Variants in L2HGDH observed in about 807,000 individuals in gnomAD.
The protein encoded by L2HGDH is L-2-hydroxyglutarate dehydrogenase.
A neutral mutation model predicts 51.5 loss-of-function variants in L2HGDH; 34 were observed. That is an observed-to-expected ratio of 0.66 (90% CI 0.50 to 0.88). The LOEUF (loss-of-function observed/expected upper bound fraction) is 0.88. L2HGDH is among the 40% of genes least tolerant of loss of function. The pLI is 0.00. For missense variants in L2HGDH, 558 were observed against 571.9 expected, an observed-to-expected ratio of 0.98 and a Z score of 0.25; for synonymous variants, 198 against 197.9, an observed-to-expected ratio of 1.00 and a Z score of -0.01.
intron 5 of L2HGDH, among the ~76,000 whole-genome samples, chr14:50,280,059 C>T (rs1181981514): frequency 1.3e-5 from 1 of 79,646 alleles, no homozygotes; most frequent in South Asian, 4.5e-4. Context: ...GACTCCGTCT[C>T]AAAAGAAAAA....
At chr14:50,257,939 G>A (rs564879655) in intron 9 of L2HGDH, among the ~76,000 whole-genome samples, 2 of 151,388 alleles carry the variant, frequency 1.3e-5, no homozygotes, top group African/African-American at 2.4e-5. Flanking sequence ...TGTTCAGTAC[G>A]ACTTTATCTG....
intron 9 of L2HGDH, among the ~76,000 whole-genome samples, chr14:50,250,143 C>T (rs1888261512): frequency 6.6e-6 from 1 of 152,184 alleles, no homozygotes; most frequent in Admixed American, 6.5e-5. Context: ...CTCAGGTGAT[C>T]CACCCGTCTT....
At chr14:50,299,938 T>C (rs1200948952) in intron 3 of L2HGDH, 1 of 152,554 alleles carries the variant, frequency 6.6e-6, no homozygotes, top group Non-Finnish European at 1.5e-5. Context: ...CTGGAGGACA[T>C]TATCTTAGGT....
Position 50,265,404 on chromosome 14 carries a change from A to C in L2HGDH, c.1150T>G (p.Tyr384Asp). 6.2e-7 allele frequency: 1 copy of C among 1,612,378 alleles called. No individual in the cohort carries two copies. The highest frequency in any genetic ancestry group is 8.5e-7 in the Non-Finnish European group (1 of 1,178,474). The part of the protein sequence containing the change: ...KACFLGATVK[Y>D]LQKFIPEITI... The stretch of plus-strand genomic sequence containing the variant: ...ATTTCAGGGATGAATTTTTGAAGAT[A>C]CTTCACTGTTGCACCAAGAAAACAT... Residue 384 changes from tyrosine to aspartate, a missense_variant, in exon 9 of 10, where the codon TAT becomes GAT. Physicochemically the swap from Tyr to Asp is radical, Grantham distance 160 (BLOSUM62 -3). Around this residue, in one of 3 missense-constraint regions of L2HGDH, gnomAD observed 321 missense variants for 311.8 expected, o/e 1.03. Coordinates refer to ENST00000267436, the MANE Select transcript of L2HGDH (RefSeq NM_024884.3).
chr14:50,304,677 T>C (rs968664675), intron 1 of L2HGDH, among the ~76,000 whole-genome samples: 1 of 152,010 alleles, frequency 6.6e-6, no homozygotes, highest in Non-Finnish European at 1.5e-5. Context: ...CTACTAAAAA[T>C]ACAAAAAATT....
chr14:50,304,426 G>C (rs1177958895), intron 1 of L2HGDH, among the ~76,000 whole-genome samples: 2 of 152,188 alleles, frequency 1.3e-5, no homozygotes, highest in African/African-American at 2.4e-5. Flanking sequence ...ATTTTTACAA[G>C]TTTTTCTTTG....
At chr14:50,309,523 C>T (rs7158964) in intron 1 of L2HGDH, among the ~76,000 whole-genome samples, 88,947 of 151,262 alleles carry the variant, frequency 0.59, 26,136 homozygotes, top group East Asian at 0.66. Flanking sequence ...GATCATGCCA[C>T]TGTACTCCAG....
chr14:50,268,487 C>CT (rs1302775958), intron 7 of L2HGDH, among the ~76,000 whole-genome samples: 4 of 150,000 alleles, frequency 2.7e-5, no homozygotes, highest in Non-Finnish European at 5.9e-5. Flanking sequence ...AACTGTCTTA[C>CT]TTCAGGCTAT....
chr14:50,276,472 C>A (rs74761566), intron 6 of L2HGDH, among the ~76,000 whole-genome samples: 1 of 147,716 alleles, frequency 6.8e-6, no homozygotes, highest in Non-Finnish European at 1.5e-5. Flanking sequence ...GCCCCCCCCA[C>A]CCCAATTCAT....
intron 3 of L2HGDH, among the ~76,000 whole-genome samples, chr14:50,299,191 C>T (rs143887635): frequency 3.9e-5 from 6 of 152,124 alleles, no homozygotes; most frequent in Non-Finnish European, 8.8e-5. Flanking sequence ...CTACTATGAC[C>T]AACTATATAT....
rs1483588648 is a variant in L2HGDH, at chr14:50,258,022, A to T, written c.1196+7336T>A. ...TGGTTTTACATTTGCTTCTATTACT[A>T]TCCTGAGAGCACTTTTTTTTAAATG... On this transcript the variant is annotated intron_variant, in intron 9 of 9. Transcript: ENST00000267436. Among the ~76,000 whole-genome samples the T allele has an allele frequency of 5.3e-5, 8 of 150,234 alleles. 1 individual carries two copies. The highest frequency in any genetic ancestry group is 1.7e-4 in the African/African-American group (7 of 40,906).
At position 50,264,118 on chromosome 14, in the gene L2HGDH, G is replaced by A. The variant is rs551025521; in HGVS notation, c.1196+1240C>T. On this transcript the variant is annotated intron_variant, in intron 9 of 9. Coordinates refer to ENST00000267436, the MANE Select transcript of L2HGDH (RefSeq NM_024884.3). ...GATGTGGCTGGGTGCAGTGGCTCAC[G>A]CCTGTAATCCCAGCACTTTGGGAGG... Among the ~76,000 whole-genome samples the A allele has an allele frequency of 2.8e-4, 42 of 151,188 alleles. 2 individuals are homozygous for A. Among genetic ancestry groups the A allele is most frequent in the Admixed American group, 1.8e-3 (28 of 15,222 alleles).
chr14:50,259,933 A>G lies in L2HGDH; in HGVS notation c.1196+5425T>C, dbSNP rs543330815. 2.3e-4 allele frequency among the ~76,000 whole-genome samples: 32 copies of G among 140,650 alleles called. No individual in the cohort carries two copies. In the South Asian group the frequency reaches 8.4e-3, roughly 37 times the overall value. 92.3% of individuals were successfully genotyped at this position (140,650 alleles called of 152,430 possible). The stretch of plus-strand genomic sequence containing the variant: ...TTTTTAGTCTCTCTAATTTACTTGA[A>G]TTAGAGGGGGTGGGGAGGGGAGGGA... On this transcript the variant is annotated intron_variant, in intron 9 of 9. Coordinates refer to ENST00000267436, the MANE Select transcript of L2HGDH (RefSeq NM_024884.3).
intron 4 of L2HGDH, among the ~76,000 whole-genome samples, chr14:50,289,201 T>C (rs185446039): frequency 8.5e-5 from 13 of 152,316 alleles, no homozygotes; most frequent in African/African-American, 2.9e-4. Context: ...ATATCAGTTA[T>C]TCACAACCCT....
intron 8 of L2HGDH, among the ~76,000 whole-genome samples, chr14:50,266,601 C>A (rs1009905056): frequency 6.6e-6 from 1 of 152,180 alleles, no homozygotes; most frequent in Non-Finnish European, 1.5e-5. Flanking sequence ...CAAAGTGAGA[C>A]CTTGTCTCAA....
intron 9 of L2HGDH, among the ~76,000 whole-genome samples, chr14:50,258,547 T>C (rs896438244): frequency 1.3e-5 from 2 of 152,000 alleles, no homozygotes; most frequent in Non-Finnish European, 2.9e-5. Context: ...AGGGTCTTGC[T>C]CTGTCACCCA....
At chr14:50,294,749 T>C (rs1312835323) in intron 3 of L2HGDH, among the ~76,000 whole-genome samples, 2 of 152,200 alleles carry the variant, frequency 1.3e-5, no homozygotes, top group Non-Finnish European at 2.9e-5. Context: ...TTATAAAGTA[T>C]TTACAAAACA....
At chr14:50,275,871 A>G (rs1889951991) in intron 6 of L2HGDH, among the ~76,000 whole-genome samples, 1 of 152,150 alleles carries the variant, frequency 6.6e-6, no homozygotes, top group Non-Finnish European at 1.5e-5. Context: ...TATCCCCACA[A>G]CTTCGCTATT....
At chr14:50,249,596 C>G (rs1299803104) in intron 9 of L2HGDH, among the ~76,000 whole-genome samples, 2 of 152,110 alleles carry the variant, frequency 1.3e-5, no homozygotes, top group Non-Finnish European at 2.9e-5. Flanking sequence ...CCAGTCCTAG[C>G]AGGATACATT....
Sources: gnomAD v4.1 joint callset for allele counts (sites outside exome capture counted in the v4.1 genomes callset) on GRCh38, gnomAD v4.1.1 for gene constraint, gnomAD v4.1.1 regional missense constraint, MANE v1.5 for transcripts, NCBI Gene and HGNC (gene_info 2026-07-23, HGNC 2026-07-21) for gene names.